The following ACP7 variants were observed in gnomAD, a reference collection of about 807,000 sequenced individuals.
ACP7 encodes acid phosphatase 7, tartrate resistant (putative).
Under a neutral mutation model 60.6 loss-of-function variants are expected in ACP7, and 58 were observed. That is an observed-to-expected ratio of 0.96 (90% CI 0.77 to 1.19). The LOEUF (loss-of-function observed/expected upper bound fraction) is 1.19, where lower values mean the gene tolerates loss of function less well. ACP7 is among the 50% of genes most tolerant of loss of function. The pLI, the probability that ACP7 is intolerant of heterozygous loss-of-function variation, is 0.00. For missense variants in ACP7, 574 were observed against 596.2 expected (o/e 0.96, Z 0.39); for synonymous variants, 237 against 232.6 (o/e 1.02, Z -0.17).
chr19:39,099,083 C>G lies in ACP7; in HGVS notation c.446C>G (p.Ala149Gly), dbSNP rs1161600556. Residue 149 changes from alanine (A) to glycine (G), a missense_variant, in exon 4 of 13, where the codon GCC becomes GGC. Coordinates refer to ENST00000331256, the MANE Select transcript of ACP7 (RefSeq NM_001004318.3). Reference sequence around the variant, plus strand: ...GACCTGGGGGCTGACAACCCGAAGGCCGTCCCCCGGCTGCGCAGGGACACC... The same window carrying G: ...GACCTGGGGGCTGACAACCCGAAGGGCGTCCCCCGGCTGCGCAGGGACACC... ...FGDLGADNPK[A>G]VPRLRRDTQQ... is the part of the protein sequence containing the mutation. 2 of 1,604,522 alleles carry G rather than the reference C, an allele frequency of 1.2e-6. 1 individual carries two copies. Among genetic ancestry groups the G allele is most frequent in the Admixed American group, 3.4e-5 (2 of 58,072 alleles).
At chr19:39,109,977 A>G (rs1239445320) in intron 12 of ACP7, 76 bp from the exon 13 acceptor site, 11 of 1,437,572 alleles carry the variant, frequency 7.7e-6, no homozygotes, top group Non-Finnish European at 1.1e-5. Flanking sequence ...CAGAGAGGGG[A>G]CTGGAACCCA....
chr19:39,106,674 C>G (rs1056425163), intron 11 of ACP7, among the ~76,000 whole-genome samples: 13 of 152,168 alleles, frequency 8.5e-5, no homozygotes, highest in East Asian at 3.9e-4. Flanking sequence ...CAGGTGCCCA[C>G]CACCACACCA....
intron 11 of ACP7, among the ~76,000 whole-genome samples, chr19:39,104,504 C>A (rs2073390992): frequency 6.6e-6 from 1 of 152,218 alleles, no homozygotes; most frequent in South Asian, 2.1e-4. Flanking sequence ...CACCAGATGG[C>A]TTCTCACGGC....
At position 39,110,175 on chromosome 19, in the gene ACP7, C is replaced by T; in HGVS notation, c.*57C>T. 6.6e-7 allele frequency: 1 copy of T among 1,526,704 alleles called. No homozygotes were observed. 94.6% of individuals were successfully genotyped at this position (1,526,704 alleles called of 1,614,324 possible). On this transcript the variant is annotated 3_prime_UTR_variant, in exon 13 of 13. Coordinates refer to ENST00000331256, the MANE Select transcript of ACP7 (RefSeq NM_001004318.3). Reference sequence around the variant, plus strand: ...GTTTTGCCGCCTTGGCTGCTGTGACCAGAAACTGCCCAGGCCTGGGTGGGG... The same window carrying T: ...GTTTTGCCGCCTTGGCTGCTGTGACTAGAAACTGCCCAGGCCTGGGTGGGG...
chr19:39,102,829 C>T (rs1264090999), intron 11 of ACP7, among the ~76,000 whole-genome samples: 1 of 146,998 alleles, frequency 6.8e-6, no homozygotes, highest in African/African-American at 2.5e-5. Context: ...TCCCTTCCTT[C>T]CTTCCTTCTT....
Position 39,100,313 on chromosome 19 carries a change from C to T in ACP7, c.592C>T (p.Pro198Ser). 6.2e-7 allele frequency: 1 copy of T among 1,614,032 alleles called. No homozygotes were observed. Among genetic ancestry groups the T allele is most frequent in the Non-Finnish European group, 8.5e-7 (1 of 1,179,966 alleles). Residue 198 changes from proline (P) to serine (S), a missense_variant, in exon 5 of 13, where the codon CCG (proline) becomes TCG (serine). Coordinates refer to ENST00000331256, the MANE Select transcript of ACP7 (RefSeq NM_001004318.3). ...RLIEPVAASLPYMTCPGNHEE... is the reference protein window; with the variant it reads ...RLIEPVAASLSYMTCPGNHEE... The stretch of plus-strand genomic sequence containing the variant: ...CATTGAACCCGTGGCTGCCAGCCTG[C>T]CGTACATGACATGCCCTGGGAATCA...
At chr19:39,103,337 A>G (rs138549613) in intron 11 of ACP7, among the ~76,000 whole-genome samples, 1 of 150,416 alleles carries the variant, frequency 6.6e-6, no homozygotes, top group Non-Finnish European at 1.5e-5. Context: ...ATTTATCTGG[A>G]TGTTTAAGTT....
At chr19:39,103,057 C>T (rs1323780068) in intron 11 of ACP7, among the ~76,000 whole-genome samples, 1 of 151,872 alleles carries the variant, frequency 6.6e-6, no homozygotes, top group Non-Finnish European at 1.5e-5. Flanking sequence ...AGGCTGGTCT[C>T]AAACTCCGGA....
chr19:39,093,004 C>A (rs1489280841), intron 2 of ACP7, among the ~76,000 whole-genome samples: 1 of 151,982 alleles, frequency 6.6e-6, no homozygotes, highest in Non-Finnish European at 1.5e-5. Flanking sequence ...TCTTGAACTT[C>A]TGACCTCAGG....
At chr19:39,086,659 T>TGGC (rs2073145972) in intron 2 of ACP7, among the ~76,000 whole-genome samples, 1 of 132,448 alleles carries the variant, frequency 7.6e-6, no homozygotes, top group Non-Finnish European at 1.6e-5. Flanking sequence ...GGGAGGGGGA[T>TGGC]AGAACGGAGC....
chr19:39,093,025 G>A (rs1234984820), intron 2 of ACP7, among the ~76,000 whole-genome samples: 1 of 151,658 alleles, frequency 6.6e-6, no homozygotes, highest in East Asian at 1.9e-4. Context: ...TGATCCACCT[G>A]CCTTGGCCTC....
At chr19:39,093,175 C>T (rs1332090516) in intron 2 of ACP7, among the ~76,000 whole-genome samples, 25 of 42,216 alleles carry the variant, frequency 5.9e-4, no homozygotes, top group African/African-American at 2.6e-3. Context: ...TCTTTCTCTC[C>T]TTCCTTCCTT....
intron 11 of ACP7, 86 bp from the exon 12 acceptor site, chr19:39,106,861 C>A: frequency 1.3e-6 from 2 of 1,523,618 alleles, no homozygotes; most frequent in South Asian, 1.2e-5. Flanking sequence ...TCCTTGAGGG[C>A]AGCAGGGTCC....
intron 2 of ACP7, among the ~76,000 whole-genome samples, chr19:39,091,509 A>G (rs2073204117): frequency 6.6e-6 from 1 of 152,198 alleles, no homozygotes; most frequent in Non-Finnish European, 1.5e-5. Context: ...TCTGGGCACT[A>G]GGTGTGCTCA....
chr19:39,084,076 C>G (rs533263311), upstream of ACP7: 1 of 152,330 alleles, frequency 6.6e-6, no homozygotes, highest in African/African-American at 2.4e-5. Flanking sequence ...GAGGGACGAG[C>G]GCAGGGTTAC....
At chr19:39,099,551 TTAGATGGG>T (rs2073315253) in intron 4 of ACP7, among the ~76,000 whole-genome samples, 1 of 151,774 alleles carries the variant, frequency 6.6e-6, no homozygotes, top group African/African-American at 2.4e-5. Flanking sequence ...GGGAAGGGAA[TTAGATGGG>T]TAATGGGGAT....
chr19:39,099,381 G>A (rs940134005), intron 4 of ACP7, among the ~76,000 whole-genome samples: 4 of 152,216 alleles, frequency 2.6e-5, no homozygotes, highest in Non-Finnish European at 5.9e-5. Flanking sequence ...CAGGAGCAGG[G>A]GTTTTCCCCC....
rs1285652734 is a variant in ACP7 at position 39,093,161 on chromosome 19, T to C, written c.122-5297T>C. Among the ~76,000 whole-genome samples the C allele has an allele frequency of 2.4e-5, 3 of 126,370 alleles. 1 individual carries two copies. The highest frequency in any genetic ancestry group is 7.7e-5 in the Admixed American group (1 of 13,046). 82.9% of individuals were successfully genotyped at this position (126,370 alleles called of 152,430 possible). A position where few individuals can be genotyped will look rare whatever the true frequency, so the allele number is the denominator to read the frequency against. ...CCTCACTCCTTTCTTTCTTTCTCTTTCTTTCTTTCTCTCCTTCCTTCCTTC... is the reference window on the plus strand; with the variant it reads ...CCTCACTCCTTTCTTTCTTTCTCTTCCTTTCTTTCTCTCCTTCCTTCCTTC... On this transcript the variant is annotated intron_variant, in intron 2 of 12. Coordinates refer to ENST00000331256, the MANE Select transcript of ACP7 (RefSeq NM_001004318.3).
chr19:39,105,579 G>A (rs1281154833), intron 11 of ACP7, among the ~76,000 whole-genome samples: 2 of 152,004 alleles, frequency 1.3e-5, no homozygotes, highest in Non-Finnish European at 2.9e-5. Flanking sequence ...GGAGTACAGT[G>A]TTACAATCTC....
Sources: allele counts gnomAD v4.1 joint callset (sites outside exome capture counted in the v4.1 genomes callset), GRCh38; gene constraint gnomAD v4.1.1; transcripts MANE v1.5; gene names NCBI Gene and HGNC (gene_info 2026-07-23, HGNC 2026-07-21).